TMEM117: variants seen among roughly 807,000 people sequenced by gnomAD.
The protein encoded by TMEM117 is transmembrane protein 117.
A neutral mutation model predicts 52.4 loss-of-function variants in TMEM117; 27 were observed. That is an observed-to-expected ratio of 0.51 (90% CI 0.38 to 0.71). The LOEUF (loss-of-function observed/expected upper bound fraction) is 0.71, where lower values mean the gene tolerates loss of function less well. Among genes scored for constraint, TMEM117 ranks in the 30% least tolerant of loss-of-function variants. TMEM117 has a pLI of 0.00. For synonymous variants in TMEM117, 215 were observed against 206.3 expected (o/e 1.04, Z -0.36); for missense variants, 556 against 630.5 (o/e 0.88, Z 1.26).
At chr12:44,353,953 T>G (rs897160435) in intron 6 of TMEM117, among the ~76,000 whole-genome samples, 9 of 152,218 alleles carry the variant, frequency 5.9e-5, no homozygotes, top group African/African-American at 2.2e-4. Flanking sequence ...TCTATTTGTT[T>G]GTATCCTCTT....
chr12:43,954,391 A>G (rs1945274134), intron 3 of TMEM117, among the ~76,000 whole-genome samples: 1 of 152,088 alleles, frequency 6.6e-6, no homozygotes, highest in Non-Finnish European at 1.5e-5. Flanking sequence ...AAATCAATAA[A>G]GTAGATTGCT....
At chr12:43,999,512 C>CTG (rs1238561410) in intron 3 of TMEM117, among the ~76,000 whole-genome samples, 2 of 152,194 alleles carry the variant, frequency 1.3e-5, no homozygotes, top group Non-Finnish European at 2.9e-5. Flanking sequence ...CAGAGTCTGG[C>CTG]TGTGTTGCCC....
chr12:44,368,255 T>C (rs1245702939), intron 6 of TMEM117, among the ~76,000 whole-genome samples: 1 of 152,156 alleles, frequency 6.6e-6, no homozygotes, highest in Admixed American at 6.6e-5. Context: ...CTTTATTTGC[T>C]TCAGAGCACT....
the TMEM117 span, chr12:43,805,865 C>T: frequency 6.8e-5 from 97 of 1,429,672 alleles, no homozygotes; most frequent in Admixed American, 1.8e-5. Context: ...CCCCAGTCGC[C>T]TCCACTGTCC....
At chr12:44,146,004 C>T (rs2138207311) in intron 4 of TMEM117, among the ~76,000 whole-genome samples, 1 of 152,256 alleles carries the variant, frequency 6.6e-6, no homozygotes, top group South Asian at 2.1e-4. Flanking sequence ...ACAGCTCTGC[C>T]TCTCTTTATT....
At chr12:44,280,702 A>G (rs1159476606) in intron 5 of TMEM117, among the ~76,000 whole-genome samples, 1 of 151,854 alleles carries the variant, frequency 6.6e-6, no homozygotes, top group African/African-American at 2.4e-5. Flanking sequence ...TGCTCAAAAA[A>G]TGTTTCCTGA....
At chr12:43,897,798 G>A (rs1944232717) in intron 2 of TMEM117, among the ~76,000 whole-genome samples, 1 of 151,432 alleles carries the variant, frequency 6.6e-6, no homozygotes, top group Admixed American at 6.6e-5. Flanking sequence ...TTTTGCAGAG[G>A]TGAGGTGTCA....
chr12:44,067,167 C>T (rs972461910), intron 3 of TMEM117, among the ~76,000 whole-genome samples: 2 of 152,172 alleles, frequency 1.3e-5, no homozygotes, highest in African/African-American at 4.8e-5. Context: ...TTCTAGTTCT[C>T]TTGCTGTTTC....
chr12:43,797,058 C>T, the TMEM117 span: 10 of 1,609,200 alleles, frequency 6.2e-6, no homozygotes, highest in Non-Finnish European at 8.5e-6. Flanking sequence ...CATCCGCTCT[C>T]TTATACTGCA....
chr12:44,296,526 C>A (rs1490633904), intron 5 of TMEM117, among the ~76,000 whole-genome samples: 1 of 152,178 alleles, frequency 6.6e-6, no homozygotes, highest in East Asian at 1.9e-4. Flanking sequence ...TTTCTGGGAG[C>A]ATGGATAAGC....
intron 3 of TMEM117, among the ~76,000 whole-genome samples, chr12:44,074,752 C>G (rs976413098): frequency 3.9e-5 from 6 of 152,062 alleles, no homozygotes; most frequent in African/African-American, 1.4e-4. Flanking sequence ...AACTGCAATT[C>G]TTACAAAAAA....
intron 7 of TMEM117, among the ~76,000 whole-genome samples, chr12:44,383,234 A>G (rs937508878): frequency 1.2e-4 from 18 of 152,204 alleles, no homozygotes; most frequent in Middle Eastern, 3.4e-3. Flanking sequence ...AAAATATTAT[A>G]TTTGCATATT....
At chr12:43,921,374 A>G (rs1301821872) in intron 2 of TMEM117, among the ~76,000 whole-genome samples, 2 of 152,164 alleles carry the variant, frequency 1.3e-5, no homozygotes, top group African/African-American at 4.8e-5. Context: ...TTTAGTTAGT[A>G]TCTGGTAGAG....
At chr12:44,295,680 T>A (rs1470705865) in intron 5 of TMEM117, among the ~76,000 whole-genome samples, 1 of 152,046 alleles carries the variant, frequency 6.6e-6, no homozygotes, top group Non-Finnish European at 1.5e-5. Context: ...GATTTCTGTT[T>A]TTTTTTTTAT....
intron 3 of TMEM117, among the ~76,000 whole-genome samples, chr12:43,954,529 A>G (rs1447459732): frequency 1.3e-5 from 2 of 152,214 alleles, no homozygotes; most frequent in South Asian, 2.1e-4. Context: ...CTCTATGCAC[A>G]TAAACTGGAA....
chr12:44,255,349 G>T (rs937823681), intron 5 of TMEM117, among the ~76,000 whole-genome samples: 3 of 152,006 alleles, frequency 2.0e-5, no homozygotes. Flanking sequence ...CTCAAAAGAA[G>T]ACATTTATGC....
At chr12:43,984,757 G>T (rs1945818906) in intron 3 of TMEM117, among the ~76,000 whole-genome samples, 1 of 152,068 alleles carries the variant, frequency 6.6e-6, no homozygotes. Context: ...TAAAGGAAAA[G>T]TATTATTTTG....
chr12:44,212,875 T>C (rs1949665574), intron 5 of TMEM117, among the ~76,000 whole-genome samples: 1 of 152,128 alleles, frequency 6.6e-6, no homozygotes, highest in Non-Finnish European at 1.5e-5. Flanking sequence ...TATGTTATCT[T>C]TTGTGCTTTA....
At chr12:43,857,052 C>T (rs1450087454) in intron 2 of TMEM117, among the ~76,000 whole-genome samples, 1 of 152,158 alleles carries the variant, frequency 6.6e-6, no homozygotes, top group South Asian at 2.1e-4. Flanking sequence ...GGCTGGAAAT[C>T]CCAAGGACAT....
Sources: gnomAD v4.1 joint callset for allele counts (sites outside exome capture counted in the v4.1 genomes callset) on GRCh38, gnomAD v4.1.1 for gene constraint, MANE v1.5 for transcripts, NCBI Gene and HGNC (gene_info 2026-07-23, HGNC 2026-07-21) for gene names.